Variants in PACRG observed in about 807,000 individuals in gnomAD.
PACRG encodes parkin coregulated.
Under a neutral mutation model 29.7 loss-of-function variants are expected in PACRG, and 29 were observed. That is an observed-to-expected ratio of 0.98 (90% CI 0.73 to 1.33). PACRG has a LOEUF of 1.33. Among genes scored for constraint, PACRG ranks in the 40% most tolerant of loss-of-function variants. The pLI is 0.00. For synonymous variants in PACRG, 116 were observed against 118.7 expected, an observed-to-expected ratio of 0.98 and a Z score of 0.15; for missense variants, 279 against 316.2, an observed-to-expected ratio of 0.88 and a Z score of 0.89.
intron 4 of PACRG, among the ~76,000 whole-genome samples, chr6:163,245,553 A>G (rs924572649): frequency 2.0e-5 from 3 of 152,200 alleles, no homozygotes; most frequent in African/African-American, 7.2e-5. Context: ...CACGGGGTTC[A>G]TAGAGATGGA....
intron 1 of PACRG, among the ~76,000 whole-genome samples, chr6:162,787,674 T>C (rs1365669116): frequency 6.8e-6 from 1 of 147,030 alleles, no homozygotes; most frequent in Non-Finnish European, 1.5e-5. Context: ...TGATATTATA[T>C]ATTTGTCTAT....
At chr6:163,191,707 A>T in intron 4 of PACRG, 1 of 456,192 alleles carries the variant, frequency 2.2e-6, no homozygotes, top group South Asian at 1.5e-5. Context: ...TCCTCCACCC[A>T]TCCACCAAAA....
In PACRG at chr6:163,197,589, G is replaced by A. The variant is rs1357987170; in HGVS notation, c.613+108181G>A. 4.0e-5 allele frequency among the ~76,000 whole-genome samples: 6 copies of A among 149,068 alleles called. No individual in the cohort carries two copies. The Admixed American group carries it at 4.0e-4, about 10-fold the overall frequency. On this transcript the variant is annotated intron_variant, in intron 4 of 4. Coordinates refer to ENST00000366888, the MANE Select transcript of PACRG (RefSeq NM_001080379.2). Reference sequence around the variant, plus strand: ...CTCCCAAGTATCTGGGACTACAGGCGCCCGCCACCACGCCCGGCTAATTTT... The same window carrying A: ...CTCCCAAGTATCTGGGACTACAGGCACCCGCCACCACGCCCGGCTAATTTT...
intron 3 of PACRG, among the ~76,000 whole-genome samples, chr6:163,066,360 G>C (rs191532989): frequency 1.3e-5 from 2 of 152,310 alleles, no homozygotes; most frequent in Admixed American, 1.3e-4. Flanking sequence ...GTATCCCTCT[G>C]TCCTTCATCC....
chr6:163,063,298 G>A (rs1329171307), intron 3 of PACRG, among the ~76,000 whole-genome samples: 2 of 152,120 alleles, frequency 1.3e-5, no homozygotes, highest in African/African-American at 4.8e-5. Flanking sequence ...ACTGCCCATG[G>A]CTTCGAGGGG....
chr6:163,197,413 G>T (rs1322663414), intron 4 of PACRG, among the ~76,000 whole-genome samples: 1 of 148,482 alleles, frequency 6.7e-6, no homozygotes, highest in Admixed American at 6.7e-5. Context: ...TATGAAACTG[G>T]TGGCTATTTT....
intron 4 of PACRG, among the ~76,000 whole-genome samples, chr6:163,188,924 C>G (rs1042322659): frequency 6.6e-6 from 1 of 152,136 alleles, no homozygotes; most frequent in Admixed American, 6.5e-5. Flanking sequence ...TAGGAATGTA[C>G]GCTAGAACGT....
intron 4 of PACRG, among the ~76,000 whole-genome samples, chr6:163,170,154 A>T (rs2128346530): frequency 6.6e-6 from 1 of 152,236 alleles, no homozygotes; most frequent in South Asian, 2.1e-4. Flanking sequence ...TCAGCCCGTA[A>T]CCAGAAAAAG....
chr6:163,278,186 T>A (rs1347405936), intron 4 of PACRG, among the ~76,000 whole-genome samples: 3 of 152,180 alleles, frequency 2.0e-5, no homozygotes, highest in South Asian at 4.1e-4. Context: ...ATGGGATTGC[T>A]TGATTTTCTC....
chr6:163,171,540 G>A (rs556050811), intron 4 of PACRG, among the ~76,000 whole-genome samples: 2 of 152,134 alleles, frequency 1.3e-5, no homozygotes, highest in East Asian at 1.9e-4. Context: ...TAAAGCATAG[G>A]CTCCTATCTA....
Position 163,167,786 on chromosome 6 carries a change from A to G in PACRG, c.613+78378A>G, listed in dbSNP as rs563283194. Among the ~76,000 whole-genome samples, 24 of 152,314 alleles carry G rather than the reference A, an allele frequency of 1.6e-4. No homozygotes were observed. The South Asian group carries it at 4.3e-3, about 28-fold the overall frequency. ...CTCTGAAAAAATTTAAAGCTCTGTA[A>G]GGTTTTTGAAGTCCCACTTCCTTTC... On this transcript the variant is annotated intron_variant, in intron 4 of 4. Transcript: ENST00000366888.
At chr6:162,850,164 C>T (rs1554291605) in intron 2 of PACRG, among the ~76,000 whole-genome samples, 20 of 152,128 alleles carry the variant, frequency 1.3e-4, no homozygotes, top group Non-Finnish European at 1.2e-4. Context: ...CTGTCAATCT[C>T]ATGTGTGTAA....
At chr6:162,873,254 T>C (rs1222935389) in intron 2 of PACRG, among the ~76,000 whole-genome samples, 3 of 152,156 alleles carry the variant, frequency 2.0e-5, no homozygotes, top group Non-Finnish European at 4.4e-5. Flanking sequence ...CGTTTCTGGC[T>C]TGCCACATCT....
At chr6:162,915,927 T>G (rs1796666330) in intron 2 of PACRG, among the ~76,000 whole-genome samples, 1 of 152,144 alleles carries the variant, frequency 6.6e-6, no homozygotes, top group East Asian at 1.9e-4. Flanking sequence ...TATACATATT[T>G]AAAGAACTTA....
chr6:163,262,629 T>C (rs1783371289), intron 4 of PACRG, among the ~76,000 whole-genome samples: 1 of 152,106 alleles, frequency 6.6e-6, no homozygotes, highest in South Asian at 2.1e-4. Flanking sequence ...GGCATTCCAA[T>C]TATTCCCTCC....
Position 162,814,319 on chromosome 6 carries a change from G to A in PACRG, c.291+38G>A, listed in dbSNP as rs199913677. ...ACAGCTGTGCCGGCCAGCTGCACCC[G>A]CTGAAGTGACATCTCCCAATGCCAA... On this transcript the variant is annotated intron_variant, in intron 2 of 4. Coordinates refer to ENST00000366888, the MANE Select transcript of PACRG (RefSeq NM_001080379.2). 604 of 1,605,720 alleles carry A rather than the reference G, an allele frequency of 3.8e-4. 2 individuals carry two copies. In the African/African-American group the frequency reaches 7.1e-3, roughly 19 times the overall value.
In PACRG at chr6:163,251,281, TTAAA is replaced by T. The variant is rs547434709; in HGVS notation, c.614-63533_614-63530del. 4.5e-4 allele frequency among the ~76,000 whole-genome samples: 68 copies of T among 152,008 alleles called. No homozygotes were observed. In the South Asian group the frequency reaches 0.01, roughly 23 times the overall value. On this transcript the variant is annotated intron_variant, in intron 4 of 4. Transcript: ENST00000366888. ...AAAAATAAAATATTAATAATAAAAT[TTAAA>T]TAAATAAATAAAATTGTGCATATTG...
At chr6:162,941,258 G>A (rs1216999164) in intron 2 of PACRG, among the ~76,000 whole-genome samples, 2 of 152,114 alleles carry the variant, frequency 1.3e-5, no homozygotes, top group African/African-American at 4.8e-5. Flanking sequence ...TTTTTAGGAG[G>A]TTATTTCATT....
intron 2 of PACRG, among the ~76,000 whole-genome samples, chr6:162,928,860 T>C (rs888459682): frequency 7.9e-5 from 12 of 152,086 alleles, no homozygotes; most frequent in African/African-American, 1.9e-4. Flanking sequence ...TAAGTGAGAA[T>C]GTATGGTATT....
Sources: allele counts gnomAD v4.1 joint callset (sites outside exome capture counted in the v4.1 genomes callset), GRCh38; gene constraint gnomAD v4.1.1; transcripts MANE v1.5; gene names NCBI Gene and HGNC (gene_info 2026-07-23, HGNC 2026-07-21).